GARNL3: variants seen among roughly 807,000 people sequenced by gnomAD.
The protein encoded by GARNL3 is GTPase activating Rap/RanGAP domain like 3, also known as GTPase-activating Rap/Ran-GAP domain-like protein 3.
Under a neutral mutation model 125.0 loss-of-function variants are expected in GARNL3, and 63 were observed. The ratio of observed to expected loss-of-function variants is 0.50; its 90% CI spans 0.41 to 0.62. GARNL3 has a LOEUF of 0.62. Ranked by LOEUF, GARNL3 falls within the 20% of genes least tolerant of loss-of-function variation. The probability of loss-of-function intolerance (pLI) is 0.00; values close to 1 mark genes in which losing one functional copy is unlikely to be tolerated. For missense variants in GARNL3, 994 were observed against 1,244.0 expected (o/e 0.80, Z 3.02); for synonymous variants, 439 against 457.5 (o/e 0.96, Z 0.52).
intron 7 of GARNL3, among the ~76,000 whole-genome samples, chr9:127,330,511 G>A (rs1005885769): frequency 1.3e-5 from 2 of 152,134 alleles, no homozygotes; most frequent in East Asian, 1.9e-4. Context: ...CTTTTCCAAT[G>A]TACTATGGTC....
At chr9:127,273,265 C>G (rs1028440061) in intron 1 of GARNL3, among the ~76,000 whole-genome samples, 1 of 152,114 alleles carries the variant, frequency 6.6e-6, no homozygotes, top group Non-Finnish European at 1.5e-5. Flanking sequence ...AGAGCCCCTG[C>G]GCTTAATCTC....
intron 1 of GARNL3, among the ~76,000 whole-genome samples, chr9:127,279,360 T>G (rs1302443582): frequency 6.6e-6 from 1 of 152,178 alleles, no homozygotes; most frequent in East Asian, 1.9e-4. Context: ...TTATTGCTTG[T>G]TTTTTCCCCT....
chr9:127,236,038 C>G (rs1203546680), intron 1 of GARNL3, among the ~76,000 whole-genome samples: 1 of 152,082 alleles, frequency 6.6e-6, no homozygotes, highest in Admixed American at 6.6e-5. Flanking sequence ...AAAGAAAATT[C>G]ATGGAGGATA....
At chr9:127,230,301 T>C (rs1420910773) in intron 1 of GARNL3, among the ~76,000 whole-genome samples, 2 of 152,188 alleles carry the variant, frequency 1.3e-5, no homozygotes, top group African/African-American at 4.8e-5. Context: ...AACTAATTAA[T>C]GCAAAGTGCT....
At position 127,317,911 on chromosome 9, in the gene GARNL3, T is replaced by G. The variant is rs1343004163; in HGVS notation, c.439-152T>G. On this transcript the variant is annotated intron_variant, in intron 4 of 27. Coordinates refer to ENST00000373387, the MANE Select transcript of GARNL3 (RefSeq NM_032293.5). ...TTGCTATCAAACCTGAGCAAGATTGTTTTCAGTCATAGAATGTGTTTATTC... is the reference window on the plus strand; with the variant it reads ...TTGCTATCAAACCTGAGCAAGATTGGTTTCAGTCATAGAATGTGTTTATTC... The G allele has an allele frequency of 4.4e-6, 3 of 677,848 alleles. No individual in the cohort carries two copies. The African/African-American group carries it at 5.3e-5, about 12-fold the overall frequency. The allele number at this position is 677,848 out of a possible 1,614,324, so 42.0% of individuals were successfully genotyped here.
At position 127,280,567 on chromosome 9, in the gene GARNL3, C is replaced by T. The variant is rs147834200; in HGVS notation, c.145-10601C>T. 3.1e-3 allele frequency among the ~76,000 whole-genome samples: 470 copies of T among 152,328 alleles called. 1 individual carries two copies. Among genetic ancestry groups the T allele is most frequent in the African/African-American group, 0.011 (443 of 41,576 alleles). ...AAGCAACAAAGCCAGACACCAAATA[C>T]GTTTCTCGATTCTTCTCCATTGGCC... On this transcript the variant is annotated intron_variant, in intron 1 of 27. Coordinates refer to ENST00000373387, the MANE Select transcript of GARNL3 (RefSeq NM_032293.5). The surrounding 1 kb of genome is among the most constrained non-coding windows in gnomAD (Gnocchi z 4.5).
intron 1 of GARNL3, among the ~76,000 whole-genome samples, chr9:127,226,767 C>A (rs561619180): frequency 6.6e-6 from 1 of 152,336 alleles, no homozygotes; most frequent in East Asian, 1.9e-4. Flanking sequence ...ATGTCTCCCC[C>A]ACTAGACTTG....
chr9:127,314,879 A>G (rs1019102272), intron 4 of GARNL3, among the ~76,000 whole-genome samples: 3 of 152,356 alleles, frequency 2.0e-5, no homozygotes, highest in African/African-American at 4.8e-5. Context: ...GGCGGCGCCC[A>G]GGAAACAGAG....
chr9:127,347,684 T>C (rs1830213118), intron 16 of GARNL3, among the ~76,000 whole-genome samples: 1 of 152,222 alleles, frequency 6.6e-6, no homozygotes, highest in Non-Finnish European at 1.5e-5. Context: ...ATATTAACTT[T>C]GCTTTTTTTA....
intron 25 of GARNL3, among the ~76,000 whole-genome samples, chr9:127,388,159 A>T (rs1464708958): frequency 6.6e-6 from 1 of 151,618 alleles, no homozygotes; most frequent in Admixed American, 6.6e-5. Flanking sequence ...ACAAAAACTA[A>T]AATTAAATTA....
rs888229536 is a variant in GARNL3 at position 127,354,425 on chromosome 9, T to A, written c.1759+15T>A. On this transcript the variant is annotated intron_variant, in intron 19 of 27. Transcript: ENST00000373387. ...GAAAACAAAAGGTGACTTGATAGAT[T>A]GGTAGATTCCATTCGATTCGTTTTT... 1.4e-6 allele frequency: 2 copies of A among 1,461,460 alleles called. No homozygotes were observed. Among genetic ancestry groups the A allele is most frequent in the Non-Finnish European group, 1.9e-6 (2 of 1,054,880 alleles). 90.5% of individuals were successfully genotyped at this position (1,461,460 alleles called of 1,614,324 possible).
intron 2 of GARNL3, among the ~76,000 whole-genome samples, chr9:127,247,178 A>G (rs2063319444): frequency 6.6e-6 from 1 of 152,160 alleles, no homozygotes; most frequent in Non-Finnish European, 1.5e-5. Flanking sequence ...GAGGTGCTGA[A>G]TGGCTTTTGA....
intron 2 of GARNL3, among the ~76,000 whole-genome samples, chr9:127,244,315 G>C (rs2063257237): frequency 6.6e-6 from 1 of 152,208 alleles, no homozygotes; most frequent in Non-Finnish European, 1.5e-5. Flanking sequence ...GCTTGGCCTT[G>C]TAGGATGAGC....
At chr9:127,267,377 T>C (rs1357393370) in intron 1 of GARNL3, among the ~76,000 whole-genome samples, 2 of 152,214 alleles carry the variant, frequency 1.3e-5, no homozygotes. Context: ...CATTTTTATA[T>C]TGTTATAATG....
intron 16 of GARNL3, among the ~76,000 whole-genome samples, chr9:127,345,698 G>C (rs1248660580): frequency 6.6e-6 from 1 of 152,246 alleles, no homozygotes; most frequent in East Asian, 1.9e-4. Context: ...GAGCAGAGCT[G>C]CTGGAGGACC....
At chr9:127,333,941 C>G (rs893457133) in intron 9 of GARNL3, among the ~76,000 whole-genome samples, 2 of 152,122 alleles carry the variant, frequency 1.3e-5, no homozygotes, top group Non-Finnish European at 2.9e-5. Flanking sequence ...GAAGCCTGCT[C>G]TCAGAGGCTG....
intron 1 of GARNL3, among the ~76,000 whole-genome samples, chr9:127,282,039 C>T (rs1248769013): frequency 6.6e-6 from 1 of 152,200 alleles, no homozygotes; most frequent in African/African-American, 2.4e-5. Context: ...TCTCCAGTGT[C>T]TGTCCCCTGT....
chr9:127,258,176 T>G (rs1338779305), intron 2 of GARNL3, among the ~76,000 whole-genome samples: 1 of 152,108 alleles, frequency 6.6e-6, no homozygotes. Flanking sequence ...CACATGGTAT[T>G]GTACCCCCAG....
At chr9:127,377,490 A>G (rs1300880260) in intron 22 of GARNL3, among the ~76,000 whole-genome samples, 1 of 152,212 alleles carries the variant, frequency 6.6e-6, no homozygotes, top group Admixed American at 6.5e-5. Context: ...TAAGGATGAC[A>G]TTAAAGCAGA....
Sources: allele counts gnomAD v4.1 joint callset (sites outside exome capture counted in the v4.1 genomes callset), GRCh38; gene constraint gnomAD v4.1.1; non-coding constraint Gnocchi (gnomAD v3.1); transcripts MANE v1.5; gene names NCBI Gene and HGNC (gene_info 2026-07-23, HGNC 2026-07-21).